The following PRTG variants were observed in gnomAD, a reference collection of about 807,000 sequenced individuals.
PRTG encodes the protein immunoglobulin superfamily, DCC subclass, member 5.
A neutral mutation model predicts 122.5 loss-of-function variants in PRTG; 67 were observed. The observed-to-expected ratio is 0.55, with a 90% CI of 0.45 to 0.67. The LOEUF is 0.67. Among genes scored for constraint, PRTG ranks in the 30% least tolerant of loss-of-function variants. The probability of loss-of-function intolerance (pLI) is 0.00; values close to 1 mark genes in which losing one functional copy is unlikely to be tolerated. For synonymous variants in PRTG, 554 were observed against 501.1 expected (o/e 1.11, Z -1.41); for missense variants, 1,435 against 1,415.4 (o/e 1.01, Z -0.22).
At position 55,649,371 on chromosome 15, in the gene PRTG, G is replaced by A. The variant is rs886136567; in HGVS notation, c.2042-8163C>T. Among the ~76,000 whole-genome samples the A allele has an allele frequency of 2.4e-4, 36 of 152,088 alleles. 1 individual carries two copies. Among genetic ancestry groups the A allele is most frequent in the Admixed American group, 2.1e-3 (32 of 15,260 alleles). ...TTACAATCACCTGTAAAATGGGTAT[G>A]ACAATGATAACAGCATCCATCTCAT... On this transcript the variant is annotated intron_variant, in intron 11 of 19. Transcript: ENST00000389286.
intron 19 of PRTG, 125 bp downstream of exon 19, chr15:55,620,538 A>G: frequency 2.9e-6 from 4 of 1,381,292 alleles, no homozygotes; most frequent in Non-Finnish European, 3.8e-6. Flanking sequence ...CCCCAAATTA[A>G]TAAAATCACA....
intron 11 of PRTG, 105 bp downstream of exon 11, chr15:55,672,340 T>C (rs920804146): frequency 1.1e-6 from 1 of 895,526 alleles, no homozygotes; most frequent in Non-Finnish European, 1.8e-6. Context: ...TCAATTCTTT[T>C]CTTTGTACCA....
intron 18 of PRTG, among the ~76,000 whole-genome samples, chr15:55,622,133 T>G (rs2059169373): frequency 2.0e-5 from 3 of 150,808 alleles, no homozygotes. Flanking sequence ...TACATCATCC[T>G]CCCCACTCTG....
At position 55,620,132 on chromosome 15, in the gene PRTG, T is replaced by C; in HGVS notation, c.3333A>G (p.Thr1111=). 6.2e-7 allele frequency: 1 copy of C among 1,614,210 alleles called. No individual in the cohort carries two copies. The highest frequency in any genetic ancestry group is 8.5e-7 in the Non-Finnish European group (1 of 1,180,030). ...FSRPFGVAAD[T]EHSANSEGSH... The stretch of plus-strand genomic sequence containing the variant: ...TGCCTTCACTATTTGCTGAATGTTC[T>C]GTATCAGCTGCAACACCAAAGGGTC... Residue 1111 remains threonine, a synonymous_variant, in exon 20 of 20, where the codon ACA becomes ACG. Coordinates refer to ENST00000389286, the MANE Select transcript of PRTG (RefSeq NM_173814.6).
At chr15:55,717,969 CCT>C (rs551228680) in intron 2 of PRTG, among the ~76,000 whole-genome samples, 19 of 152,296 alleles carry the variant, frequency 1.2e-4, no homozygotes, top group African/African-American at 4.1e-4. Context: ...AGATCAATCC[CCT>C]GTCCTCCTGC....
chr15:55,661,571 T>C (rs983587008), intron 11 of PRTG, among the ~76,000 whole-genome samples: 2 of 152,186 alleles, frequency 1.3e-5, no homozygotes, highest in African/African-American at 2.4e-5. Flanking sequence ...TAGACAATTT[T>C]CTTTACTCTT....
Position 55,742,870 on chromosome 15 carries a change from A to T in PRTG, c.62T>A (p.Leu21His). ...LRPPGMLLRA[L>H]LLLLLLSPLP... ...AGGACTGAGCAGCAGCAGGAGCAGG[A>T]GCGCGCGGAGCAGCATCCCCGGCGG... Residue 21 changes from leucine (L) to histidine (H), a missense_variant, in exon 1 of 20, where the codon CTC becomes CAC. Leu to His is a moderately conservative substitution (Grantham distance 99). Coordinates refer to ENST00000389286, the MANE Select transcript of PRTG (RefSeq NM_173814.6). 40 of 1,536,842 alleles carry T rather than the reference A, an allele frequency of 2.6e-5. No homozygotes were observed. The highest frequency in any genetic ancestry group is 3.4e-5 in the Non-Finnish European group (39 of 1,140,688).
rs770719274 is a variant in PRTG, at chr15:55,641,072, T to C, written c.2137+41A>G. The C allele has an allele frequency of 7.5e-6, 10 of 1,333,902 alleles. No individual in the cohort carries two copies. In the African/African-American group the frequency reaches 1.2e-4, roughly 15 times the overall value. 82.6% of individuals were successfully genotyped at this position (1,333,902 alleles called of 1,614,324 possible). A position where few individuals can be genotyped will look rare whatever the true frequency, so the allele number is the denominator to read the frequency against. ...AAAGGAGGAGGAGGAGAAAGAACGGTGTGAGCCATAGTAAAACAAACTGCC... is the reference window on the plus strand; with the variant it reads ...AAAGGAGGAGGAGGAGAAAGAACGGCGTGAGCCATAGTAAAACAAACTGCC... On this transcript the variant is annotated intron_variant, in intron 12 of 19. Transcript: ENST00000389286.
rs200978963 is a variant in PRTG, at chr15:55,682,418, C to A, written c.622G>T (p.Ala208Ser). Residue 208 changes from alanine (A) to serine (S), a missense_variant, in exon 4 of 20, where the codon GCC becomes TCC. Transcript: ENST00000389286. ...CTTTTACGTCGGTGGGCTACAGTGGCAGCAATACAACGATAATTTCCAGAA... is the reference window on the plus strand; with the variant it reads ...CTTTTACGTCGGTGGGCTACAGTGGAAGCAATACAACGATAATTTCCAGAA... Reference protein sequence around the residue: ...RDSGNYRCIAATVAHRRKSME... With the variant: ...RDSGNYRCIASTVAHRRKSME... 4.4e-6 allele frequency: 7 copies of A among 1,606,516 alleles called. No individual in the cohort carries two copies. In the Admixed American group the frequency reaches 1.2e-4, roughly 27 times the overall value.
At chr15:55,638,724 T>A (rs1328830292) in intron 13 of PRTG, 48 bp from the exon 14 acceptor site, 1 of 1,541,124 alleles carries the variant, frequency 6.5e-7, no homozygotes, top group Non-Finnish European at 8.8e-7. Context: ...TATAATATTG[T>A]TTGTAAAAGA....
chr15:55,702,293 T>C lies in PRTG; in HGVS notation c.398-18362A>G, dbSNP rs181610597. Among the ~76,000 whole-genome samples, 7 of 152,326 alleles carry C rather than the reference T, an allele frequency of 4.6e-5. 1 individual carries two copies. The East Asian group carries it at 1.3e-3, about 29-fold the overall frequency. On this transcript the variant is annotated intron_variant, in intron 2 of 19. Coordinates refer to ENST00000389286, the MANE Select transcript of PRTG (RefSeq NM_173814.6). ...TCCCAAGTAGAACTAGAGACCCCTT[T>C]AATATTCCCAGGAGCTTAGGATATC...
At chr15:55,685,178 A>G (rs1384015345) in intron 2 of PRTG, among the ~76,000 whole-genome samples, 1 of 152,150 alleles carries the variant, frequency 6.6e-6, no homozygotes, top group Non-Finnish European at 1.5e-5. Context: ...AGAAGAATAG[A>G]GGTAATAGGG....
intron 11 of PRTG, among the ~76,000 whole-genome samples, chr15:55,672,046 T>C (rs2059474897): frequency 6.6e-6 from 1 of 152,160 alleles, no homozygotes; most frequent in African/African-American, 2.4e-5. Flanking sequence ...ATATAGCAAT[T>C]ATATAGTACT....
intron 2 of PRTG, among the ~76,000 whole-genome samples, chr15:55,708,159 A>AAC (rs1555435317): frequency 2.2e-4 from 21 of 94,378 alleles, no homozygotes; most frequent in African/African-American, 7.8e-4. Flanking sequence ...AAAAAAAAAA[A>AAC]AAAAAAAAAA....
intron 2 of PRTG, among the ~76,000 whole-genome samples, chr15:55,690,635 G>A (rs2059595376): frequency 6.6e-6 from 1 of 152,014 alleles, no homozygotes; most frequent in Non-Finnish European, 1.5e-5. Context: ...CCGGCGTAAT[G>A]CAAATATTAC....
chr15:55,688,229 C>A (rs1258893584), intron 2 of PRTG, among the ~76,000 whole-genome samples: 1 of 152,174 alleles, frequency 6.6e-6, no homozygotes, highest in African/African-American at 2.4e-5. Flanking sequence ...CTGCCTTCTT[C>A]CCTATTATTT....
intron 11 of PRTG, among the ~76,000 whole-genome samples, chr15:55,647,297 GT>G (rs2059329610): frequency 6.6e-6 from 1 of 152,094 alleles, no homozygotes; most frequent in African/African-American, 2.4e-5. Context: ...AAAAGGAAGA[GT>G]CAGAGCCAGA....
chr15:55,620,632 G>A (rs993432684), intron 19 of PRTG, 31 bp downstream of exon 19: 94 of 1,558,734 alleles, frequency 6.0e-5, no homozygotes, highest in Non-Finnish European at 7.6e-5. Flanking sequence ...ATCACGCATT[G>A]CCAAAAATTT....
At position 55,641,227 on chromosome 15, in the gene PRTG, G is replaced by A. The variant is rs1354157690; in HGVS notation, c.2042-19C>T. On this transcript the variant is annotated intron_variant, in intron 11 of 19. Coordinates refer to ENST00000389286, the MANE Select transcript of PRTG (RefSeq NM_173814.6). Reference sequence around the variant, plus strand: ...CTGGGGTCTATAAAGAAACCAATAGGAAATAATTAGGACCAGGTCTCTAGA... The same window carrying A: ...CTGGGGTCTATAAAGAAACCAATAGAAAATAATTAGGACCAGGTCTCTAGA... 1 of 1,553,716 alleles carries A rather than the reference G, an allele frequency of 6.4e-7. No homozygotes were observed. Among genetic ancestry groups the A allele is most frequent in the Non-Finnish European group, 8.9e-7 (1 of 1,125,700 alleles).
Sources: gnomAD v4.1 joint callset for allele counts (sites outside exome capture counted in the v4.1 genomes callset) on GRCh38, gnomAD v4.1.1 for gene constraint, MANE v1.5 for transcripts, NCBI Gene and HGNC (gene_info 2026-07-23, HGNC 2026-07-21) for gene names.